RBFOX1: variants seen among roughly 807,000 people sequenced by gnomAD.
RBFOX1 encodes the protein RNA binding fox-1 homolog 1, also known as RNA binding protein fox-1 homolog 1.
RBFOX1 carries 8 observed loss-of-function variants against 57.7 expected under a neutral mutation model. The observed-to-expected ratio is 0.14, with a 90% CI of 0.08 to 0.25. The LOEUF is 0.25. Ranked by LOEUF, RBFOX1 falls within the 10% of genes least tolerant of loss-of-function variation. The pLI, the probability that RBFOX1 is intolerant of heterozygous loss-of-function variation, is 1.00. For synonymous variants in RBFOX1, 326 were observed against 222.4 expected, an observed-to-expected ratio of 1.47 and a Z score of -4.15; for missense variants, 611 against 548.5, an observed-to-expected ratio of 1.11 and a Z score of -1.14.
At chr16:5,585,431 C>G (rs757226166) in intron 2 of RBFOX1, among the ~76,000 whole-genome samples, 6 of 152,164 alleles carry the variant, frequency 3.9e-5, no homozygotes, top group Admixed American at 2.0e-4. Context: ...TGGGGTGTTT[C>G]CTGCTTTGGG....
At chr16:7,001,041 G>C (rs890076144) in intron 3 of RBFOX1, among the ~76,000 whole-genome samples, 1 of 152,084 alleles carries the variant, frequency 6.6e-6, no homozygotes, top group African/African-American at 2.4e-5. Flanking sequence ...TAGAATACTT[G>C]TACAGAGAAA....
intron 4 of RBFOX1, among the ~76,000 whole-genome samples, chr16:7,449,407 G>C (rs1170275550): frequency 6.6e-6 from 1 of 152,094 alleles, no homozygotes; most frequent in Non-Finnish European, 1.5e-5. Flanking sequence ...GATGAATTCA[G>C]AATGAATAGA....
At chr16:7,327,302 G>C (rs573124560) in intron 4 of RBFOX1, among the ~76,000 whole-genome samples, 95 of 152,316 alleles carry the variant, frequency 6.2e-4, no homozygotes, top group African/African-American at 2.2e-3. Flanking sequence ...TGCCAGTGTG[G>C]TTTGAAGAAA....
intron 1 of RBFOX1, among the ~76,000 whole-genome samples, 183 bp downstream of exon 1, chr16:6,020,175 C>A (rs9927564): frequency 6.6e-6 from 1 of 151,700 alleles, no homozygotes; most frequent in South Asian, 2.1e-4. Flanking sequence ...TCCCCCCCTA[C>A]CCCCAGGAGG....
intron 1 of RBFOX1, among the ~76,000 whole-genome samples, chr16:5,432,538 T>G (rs996389002): frequency 1.0e-4 from 12 of 120,116 alleles, no homozygotes; most frequent in African/African-American, 3.6e-4. Flanking sequence ...AACTGGGGAG[T>G]TTTTTTTTTT....
At chr16:6,999,206 A>ATTTTATTTTTTTTTT (rs1568299754) in intron 3 of RBFOX1, among the ~76,000 whole-genome samples, 2 of 72,114 alleles carry the variant, frequency 2.8e-5, no homozygotes, top group Non-Finnish European at 5.4e-5. Context: ...TTTATTTTTT[A>ATTTTATTTTTTTTTT]TTTTTATTTA....
intron 3 of RBFOX1, among the ~76,000 whole-genome samples, chr16:7,044,533 A>T (rs2047248100): frequency 6.6e-6 from 1 of 152,162 alleles, no homozygotes; most frequent in Non-Finnish European, 1.5e-5. Flanking sequence ...CTCATGCTGA[A>T]GTTTATTGCT....
At chr16:6,231,623 G>A (rs1461650556) in intron 1 of RBFOX1, among the ~76,000 whole-genome samples, 2 of 152,208 alleles carry the variant, frequency 1.3e-5, no homozygotes, top group Admixed American at 6.5e-5. Context: ...TGGTTGATGA[G>A]AGCTATGTGG....
intron 3 of RBFOX1, among the ~76,000 whole-genome samples, chr16:6,759,255 G>C (rs936164767): frequency 7.9e-5 from 12 of 151,606 alleles, no homozygotes; most frequent in East Asian, 1.9e-4. Flanking sequence ...GGTTCCAGCA[G>C]TTCTCCTGTT....
chr16:6,079,144 A>G (rs2095958010), intron 1 of RBFOX1, among the ~76,000 whole-genome samples: 1 of 92,698 alleles, frequency 1.1e-5, no homozygotes, highest in Non-Finnish European at 2.1e-5. Flanking sequence ...CCTCATCTCT[A>G]CTGAAAATAA....
In RBFOX1 at chr16:6,021,319, C is replaced by T. The variant is rs543044692; in HGVS notation, c.-127+1327C>T. On this transcript the variant is annotated intron_variant, in intron 1 of 15. Coordinates refer to ENST00000550418, the MANE Select transcript of RBFOX1 (RefSeq NM_018723.4). ...CCTGCCCCCTGTCCTAGTTCATCTC[C>T]CCTCCATTTATCATTTTATCTTTGT... 3.1e-3 allele frequency among the ~76,000 whole-genome samples: 468 copies of T among 152,270 alleles called. 3 individuals are homozygous for T. The highest frequency in any genetic ancestry group is 0.011 in the African/African-American group (448 of 41,542).
At chr16:6,837,183 A>G (rs1266654768) in intron 3 of RBFOX1, among the ~76,000 whole-genome samples, 1 of 152,240 alleles carries the variant, frequency 6.6e-6, no homozygotes, top group Non-Finnish European at 1.5e-5. Context: ...AATAACTAAA[A>G]TCAGGTTAGG....
chr16:6,481,184 A>T (rs1373880031), intron 2 of RBFOX1, among the ~76,000 whole-genome samples: 1 of 152,188 alleles, frequency 6.6e-6, no homozygotes, highest in East Asian at 1.9e-4. Context: ...GGGAGGTTGC[A>T]TCCCTTCCTG....
intron 1 of RBFOX1, among the ~76,000 whole-genome samples, chr16:5,363,539 A>G (rs1400651268): frequency 1.3e-5 from 2 of 152,176 alleles, no homozygotes; most frequent in African/African-American, 4.8e-5. Flanking sequence ...TCTCTCTGCA[A>G]CAAGCTTTCT....
intron 4 of RBFOX1, among the ~76,000 whole-genome samples, chr16:7,056,071 C>G (rs143668132): frequency 2.6e-5 from 4 of 152,202 alleles, no homozygotes; most frequent in Admixed American, 2.0e-4. Context: ...TGGATATAGT[C>G]TTTGGTCATA....
chr16:5,266,685 A>G (rs2062867363), intron 1 of RBFOX1, among the ~76,000 whole-genome samples: 2 of 151,036 alleles, frequency 1.3e-5, no homozygotes, highest in South Asian at 4.2e-4. Context: ...AGTAGCTGGG[A>G]CTACAGGCAT....
chr16:6,739,692 C>G (rs1178272530), intron 3 of RBFOX1, among the ~76,000 whole-genome samples: 1 of 152,096 alleles, frequency 6.6e-6, no homozygotes, highest in South Asian at 2.1e-4. Context: ...GCTTGGCCAA[C>G]ATGGTGAAAC....
chr16:5,536,766 C>A (rs924187779), intron 2 of RBFOX1, among the ~76,000 whole-genome samples: 1 of 150,100 alleles, frequency 6.7e-6, no homozygotes, highest in African/African-American at 2.5e-5. Flanking sequence ...GATGTAACAT[C>A]TTATTGTAAT....
chr16:5,485,345 C>CAAAAAAAAAAAAAAAAAAAAAAA (rs71142624), intron 2 of RBFOX1, among the ~76,000 whole-genome samples: 1 of 51,668 alleles, frequency 1.9e-5, no homozygotes, highest in African/African-American at 6.9e-5. Context: ...GACTCCGTGT[C>CAAAAAAAAAAAAAAAAAAAAAAA]AAAAAAAAAA....
Sources: allele counts gnomAD v4.1 joint callset (sites outside exome capture counted in the v4.1 genomes callset), GRCh38; gene constraint gnomAD v4.1.1; transcripts MANE v1.5; gene names NCBI Gene and HGNC (gene_info 2026-07-23, HGNC 2026-07-21).